The following COLEC10 variants were observed in gnomAD, a reference collection of about 807,000 sequenced individuals.
COLEC10 encodes the protein collectin subfamily member 10, also known as collectin-10.
In COLEC10, 22 loss-of-function variants were observed where a neutral mutation model predicts 28.4. The observed-to-expected ratio is 0.78, with a 90% CI of 0.55 to 1.11. The LOEUF (loss-of-function observed/expected upper bound fraction) is 1.11. COLEC10 is among the 50% of genes least tolerant of loss of function. The pLI, the probability that COLEC10 is intolerant of heterozygous loss-of-function variation, is 0.00. For missense variants in COLEC10, 361 were observed against 344.1 expected (o/e 1.05, Z -0.39); for synonymous variants, 125 against 116.1 (o/e 1.08, Z -0.49).
chr8:119,012,127 A>G (rs80040688), intron 2 of COLEC10, among the ~76,000 whole-genome samples: 6,867 of 150,810 alleles, frequency 0.046, 449 homozygotes, highest in East Asian at 0.16. Flanking sequence ...CTATCAGTTG[A>G]AGTAGTTCAG....
intron 2 of COLEC10, among the ~76,000 whole-genome samples, chr8:119,015,828 C>T (rs898973228): frequency 2.0e-5 from 3 of 152,128 alleles, no homozygotes; most frequent in Admixed American, 1.3e-4. Flanking sequence ...AGAGTGGTGA[C>T]TTCCAAGTTC....
chr8:119,073,826 AATC>A (rs572127668), intron 1 of COLEC10, among the ~76,000 whole-genome samples: 127 of 152,110 alleles, frequency 8.3e-4, no homozygotes, highest in Middle Eastern at 6.8e-3. Context: ...GATATGTATT[AATC>A]ACTAGTAGAG....
At chr8:119,017,107 G>A (rs1814005550) in intron 2 of COLEC10, among the ~76,000 whole-genome samples, 1 of 152,140 alleles carries the variant, frequency 6.6e-6, no homozygotes, top group Non-Finnish European at 1.5e-5. Context: ...CATTGATGAT[G>A]AGCTTTTTTT....
chr8:118,957,858 G>C, the COLEC10 span, among the ~76,000 whole-genome samples: 1 of 152,146 alleles, frequency 6.6e-6, no homozygotes, highest in Non-Finnish European at 1.5e-5. Flanking sequence ...CTGAGAGATG[G>C]ATAGGGCTGA....
upstream of COLEC10, among the ~76,000 whole-genome samples, chr8:118,991,287 C>T (rs1813502159): frequency 6.6e-6 from 1 of 152,122 alleles, no homozygotes; most frequent in South Asian, 2.1e-4. Context: ...TATGTACCTC[C>T]CTGTGTCCTA....
At chr8:119,061,394 A>C in intron 2 of COLEC10, among the ~76,000 whole-genome samples, 1 of 150,882 alleles carries the variant, frequency 6.6e-6, no homozygotes, top group Non-Finnish European at 1.5e-5. Flanking sequence ...AAATGCTAAA[A>C]GGTCCACATT....
chr8:119,035,959 T>A (rs1199147525), intron 2 of COLEC10, among the ~76,000 whole-genome samples: 1 of 152,180 alleles, frequency 6.6e-6, no homozygotes, highest in African/African-American at 2.4e-5. Context: ...GGGAGTTTTT[T>A]TACTTCCTCT....
intron 4 of COLEC10, among the ~76,000 whole-genome samples, chr8:119,103,542 T>A (rs1416479389): frequency 2.0e-5 from 3 of 152,172 alleles, no homozygotes; most frequent in African/African-American, 4.8e-5. Context: ...GTGGTTGTCA[T>A]ATATATTCTT....
chr8:118,984,479 C>T, the COLEC10 span, among the ~76,000 whole-genome samples: 3 of 151,940 alleles, frequency 2.0e-5, no homozygotes, highest in East Asian at 3.9e-4. Flanking sequence ...ACCCCTGAAC[C>T]TAAAATAAAA....
chr8:119,062,294 T>G (rs187015787), upstream of COLEC10, among the ~76,000 whole-genome samples: 1 of 152,090 alleles, frequency 6.6e-6, no homozygotes, highest in East Asian at 1.9e-4. Flanking sequence ...AGAGTATCAG[T>G]GTGTTACTCA....
chr8:119,064,642 G>A (rs1387022655), upstream of COLEC10, among the ~76,000 whole-genome samples: 2 of 152,168 alleles, frequency 1.3e-5, no homozygotes, highest in African/African-American at 2.4e-5. Context: ...TCAATTCTCA[G>A]TATTTTTCTA....
chr8:119,106,842 T>A lies in COLEC10; in HGVS notation c.*651T>A, dbSNP rs1470057504. Among the ~76,000 whole-genome samples, 11 of 152,178 alleles carry A rather than the reference T, an allele frequency of 7.2e-5. No individual in the cohort carries two copies. Among genetic ancestry groups the A allele is most frequent in the Admixed American group, 7.2e-4 (11 of 15,272 alleles). ...TCTTTTTGTGCTTCTGATCTATCGA[T>A]TTCACTAACATATACCAAGTAGGTG... On this transcript the variant is annotated 3_prime_UTR_variant, in exon 6 of 6. Coordinates refer to ENST00000332843, the MANE Select transcript of COLEC10 (RefSeq NM_006438.5).
chr8:119,050,388 T>A (rs764880881), intron 2 of COLEC10, among the ~76,000 whole-genome samples: 1 of 152,190 alleles, frequency 6.6e-6, no homozygotes, highest in Non-Finnish European at 1.5e-5. Context: ...AATCAACTTA[T>A]GGCAGCCTTA....
intron 1 of COLEC10, among the ~76,000 whole-genome samples, chr8:119,071,991 C>T (rs1003131307): frequency 2.0e-5 from 3 of 152,186 alleles, no homozygotes; most frequent in Non-Finnish European, 4.4e-5. Context: ...CTAAGAACCT[C>T]CCTGCCAGGG....
chr8:119,028,095 T>C (rs929326782), intron 2 of COLEC10, among the ~76,000 whole-genome samples: 20 of 152,166 alleles, frequency 1.3e-4, no homozygotes, highest in African/African-American at 4.8e-4. Context: ...ATAAGGGTTA[T>C]TGTATTCACC....
At chr8:118,969,027 T>C in the COLEC10 span, among the ~76,000 whole-genome samples, 274 of 152,196 alleles carry the variant, frequency 1.8e-3, 2 homozygotes, top group African/African-American at 6.2e-3. Flanking sequence ...GATCTTGAGT[T>C]AGAGGCATTA....
At chr8:119,078,550 T>C (rs1182467926) in intron 1 of COLEC10, among the ~76,000 whole-genome samples, 2 of 152,188 alleles carry the variant, frequency 1.3e-5, no homozygotes, top group Non-Finnish European at 2.9e-5. Flanking sequence ...CTTAATTGTG[T>C]TTGAGTTACA....
At chr8:118,978,801 A>G in the COLEC10 span, among the ~76,000 whole-genome samples, 1 of 152,066 alleles carries the variant, frequency 6.6e-6, no homozygotes, top group Non-Finnish European at 1.5e-5. Context: ...AGTATACAAA[A>G]GCCCATTTTG....
At chr8:118,977,780 TAAAA>T in the COLEC10 span, among the ~76,000 whole-genome samples, 1 of 148,820 alleles carries the variant, frequency 6.7e-6, no homozygotes, top group Non-Finnish European at 1.5e-5. Flanking sequence ...AATAATCAAC[TAAAA>T]AAAATATATA....
Sources: gnomAD v4.1 joint callset for allele counts (sites outside exome capture counted in the v4.1 genomes callset) on GRCh38, gnomAD v4.1.1 for gene constraint, MANE v1.5 for transcripts, NCBI Gene and HGNC (gene_info 2026-07-23, HGNC 2026-07-21) for gene names.